Variants in FBXL5 observed in about 807,000 individuals in gnomAD.
The protein encoded by FBXL5 is F-box and leucine rich repeat protein 5.
A neutral mutation model predicts 78.3 loss-of-function variants in FBXL5; 26 were observed. That is an observed-to-expected ratio of 0.33 (90% CI 0.24 to 0.46). The LOEUF is 0.46. Among genes scored for constraint, FBXL5 ranks in the 20% least tolerant of loss-of-function variants. FBXL5 has a pLI of 1.00. For missense variants in FBXL5, 710 were observed against 829.2 expected (o/e 0.86, Z 1.77); for synonymous variants, 295 against 282.5 (o/e 1.04, Z -0.45).
chr4:15,656,205 C>G (rs150790417), upstream of FBXL5: 554 of 456,224 alleles, frequency 1.2e-3, 6 homozygotes, highest in African/African-American at 0.01. Flanking sequence ...AGCGGAGGTT[C>G]GGAGAGAAAA....
intron 5 of FBXL5, among the ~76,000 whole-genome samples, chr4:15,631,756 G>A (rs1410700042): frequency 6.7e-6 from 1 of 150,020 alleles, no homozygotes; most frequent in Non-Finnish European, 1.5e-5. Context: ...CCCAGTTTTT[G>A]ATGGGGTTGT....
At chr4:15,653,691 T>C (rs190741174) in intron 1 of FBXL5, among the ~76,000 whole-genome samples, 31 of 152,260 alleles carry the variant, frequency 2.0e-4, no homozygotes, top group Admixed American at 1.7e-3. Flanking sequence ...GAATGAACGA[T>C]ATTCAAAAGC....
chr4:15,641,621 T>C (rs555293579), intron 2 of FBXL5: 25 of 455,644 alleles, frequency 5.5e-5, no homozygotes, highest in South Asian at 2.2e-4. Context: ...CAGTCAACAG[T>C]AGTAGGCTGT....
intron 10 of FBXL5, 101 bp downstream of exon 10, chr4:15,612,165 G>C (rs1722313631): frequency 3.3e-6 from 3 of 907,422 alleles, no homozygotes; most frequent in Non-Finnish European, 4.7e-6. Context: ...GATAGTCTGG[G>C]AATTAGAAAT....
At chr4:15,628,468 A>G (rs1713288200) in intron 6 of FBXL5, among the ~76,000 whole-genome samples, 1 of 152,192 alleles carries the variant, frequency 6.6e-6, no homozygotes. Context: ...AACAGAATGT[A>G]CTACTGTAAC....
chr4:15,657,171 C>T (rs1717028677), upstream of FBXL5, among the ~76,000 whole-genome samples: 1 of 152,186 alleles, frequency 6.6e-6, no homozygotes, highest in African/African-American at 2.4e-5. Context: ...TATTTACCCT[C>T]TATTTCTTTA....
intron 6 of FBXL5, among the ~76,000 whole-genome samples, chr4:15,628,795 A>G (rs201169181): frequency 1.7e-5 from 2 of 116,784 alleles, no homozygotes; most frequent in Non-Finnish European, 3.8e-5. Flanking sequence ...ACACGCACAC[A>G]CACACACACG....
intron 9 of FBXL5, among the ~76,000 whole-genome samples, chr4:15,621,212 C>G (rs976722880): frequency 6.6e-6 from 1 of 151,922 alleles, no homozygotes; most frequent in South Asian, 2.1e-4. Flanking sequence ...GTAGAAAACC[C>G]TAATGAATTC....
chr4:15,627,129 C>CTTT (rs1491071832), intron 7 of FBXL5, among the ~76,000 whole-genome samples, 174 bp from the exon 8 acceptor site: 5 of 85,654 alleles, frequency 5.8e-5, no homozygotes, highest in African/African-American at 1.5e-4. Flanking sequence ...CCCTGAGAAT[C>CTTT]TCTTTTTTTT....
chr4:15,634,832 CATAATTCTTA>C (rs1302772609), intron 5 of FBXL5, among the ~76,000 whole-genome samples: 66 of 152,182 alleles, frequency 4.3e-4, no homozygotes, highest in African/African-American at 1.5e-3. Context: ...CAAATCGTGA[CATAATTCTTA>C]ATAATTCTTA....
chr4:15,660,162 TC>T (rs954851444), upstream of FBXL5, among the ~76,000 whole-genome samples: 26 of 151,820 alleles, frequency 1.7e-4, no homozygotes, highest in Admixed American at 6.6e-5. Flanking sequence ...TACTGCAGCC[TC>T]AAACTCCTAG....
At chr4:15,616,935 T>C (rs1246081924) in intron 9 of FBXL5, among the ~76,000 whole-genome samples, 1 of 152,214 alleles carries the variant, frequency 6.6e-6, no homozygotes, top group Non-Finnish European at 1.5e-5. Context: ...AAGCTGCCTC[T>C]TTCCCAAGAT....
intron 6 of FBXL5, 117 bp from the exon 7 acceptor site, chr4:15,628,150 G>A: frequency 5.1e-6 from 5 of 985,250 alleles, no homozygotes; most frequent in Non-Finnish European, 7.3e-6. Flanking sequence ...ACTTTCTTAT[G>A]TAAACCATCC....
intron 5 of FBXL5, among the ~76,000 whole-genome samples, chr4:15,631,211 T>A (rs1192428328): frequency 6.6e-6 from 1 of 152,214 alleles, no homozygotes; most frequent in Non-Finnish European, 1.5e-5. Context: ...ACTGATGGTT[T>A]CCAGCTTCAT....
chr4:15,616,493 T>G (rs1269279983), intron 9 of FBXL5, among the ~76,000 whole-genome samples: 1 of 152,234 alleles, frequency 6.6e-6, no homozygotes, highest in East Asian at 1.9e-4. Context: ...CTTTCAAGTT[T>G]CATGCCTGCC....
intron 2 of FBXL5, 58 bp downstream of exon 2, chr4:15,644,435 T>G: frequency 7.2e-7 from 1 of 1,390,994 alleles, no homozygotes; most frequent in Non-Finnish European, 1.0e-6. Context: ...GTTTTGCCAA[T>G]GATATACCAG....
rs188044128 is a variant in FBXL5 at position 15,635,304 on chromosome 4, G to C, written c.766+1190C>G. The stretch of plus-strand genomic sequence containing the variant: ...TCCAAGATCGTGCCACTGAGCTACA[G>C]CCTAGGTGAGAGTAAAACCCCATCT... On this transcript the variant is annotated intron_variant, in intron 5 of 10. Transcript: ENST00000341285. 2.3e-3 allele frequency among the ~76,000 whole-genome samples: 343 copies of C among 150,048 alleles called. 1 individual carries two copies. The highest frequency in any genetic ancestry group is 4.1e-3 in the Non-Finnish European group (279 of 67,764).
intron 7 of FBXL5, 116 bp from the exon 8 acceptor site, chr4:15,627,071 T>A (rs1713134003): frequency 2.2e-6 from 1 of 458,424 alleles, no homozygotes; most frequent in Non-Finnish European, 4.0e-6. Flanking sequence ...TAAAAAAAAA[T>A]CACTTGAATA....
Position 15,605,626 on chromosome 4 carries a change from A to G in FBXL5, c.*97T>C. The G allele has an allele frequency of 9.9e-7, 1 of 1,013,788 alleles. No homozygotes were observed. The highest frequency in any genetic ancestry group is 2.5e-5 in the East Asian group (1 of 39,452). The allele number at this position is 1,013,788 out of a possible 1,614,324, so 62.8% of individuals were successfully genotyped here. A position where few individuals can be genotyped will look rare whatever the true frequency, so the allele number is the denominator to read the frequency against. On this transcript the variant is annotated 3_prime_UTR_variant, in exon 11 of 11. Transcript: ENST00000341285. ...ATGGGGCCAAAACAAGTCACGCTCA[A>G]AAAGGGATGGTTAACACAAGAAATG...
Sources: allele counts gnomAD v4.1 joint callset (sites outside exome capture counted in the v4.1 genomes callset), GRCh38; gene constraint gnomAD v4.1.1; transcripts MANE v1.5; gene names NCBI Gene and HGNC (gene_info 2026-07-23, HGNC 2026-07-21).